The following LAMA2 variants were observed in gnomAD, a reference collection of about 807,000 sequenced individuals.
LAMA2 encodes the protein laminin subunit alpha-2.
LAMA2 carries 269 observed loss-of-function variants against 364.8 expected under a neutral mutation model. The observed-to-expected ratio is 0.74, with a 90% confidence interval of 0.67 to 0.82. The LOEUF (loss-of-function observed/expected upper bound fraction) is 0.82, where lower values mean the gene tolerates loss of function less well. Among genes scored for constraint, LAMA2 ranks in the 40% least tolerant of loss-of-function variants. The pLI, the probability that LAMA2 is intolerant of heterozygous loss-of-function variation, is 0.00. For synonymous variants in LAMA2, 1,379 were observed against 1,370.6 expected, an observed-to-expected ratio of 1.01 and a Z score of -0.14; for missense variants, 3,807 against 3,873.2, an observed-to-expected ratio of 0.98 and a Z score of 0.45.
At chr6:129,498,221 A>T (rs1785344539) in intron 58 of LAMA2, among the ~76,000 whole-genome samples, 1 of 152,242 alleles carries the variant, frequency 6.6e-6, no homozygotes, top group African/African-American at 2.4e-5. Context: ...CAATACAAGT[A>T]GCCATGGAGA....
intron 1 of LAMA2, among the ~76,000 whole-genome samples, chr6:129,033,757 C>T (rs1025961710): frequency 1.3e-5 from 2 of 152,110 alleles, no homozygotes; most frequent in Non-Finnish European, 2.9e-5. Context: ...AGATACTGAA[C>T]ATATGTTCCG....
intron 27 of LAMA2, 65 bp downstream of exon 27, chr6:129,316,236 C>T (rs1774598928): frequency 8.1e-7 from 1 of 1,230,882 alleles, no homozygotes; most frequent in South Asian, 1.2e-5. Flanking sequence ...TATTGACCTA[C>T]AGATATCAGA....
intron 37 of LAMA2, among the ~76,000 whole-genome samples, chr6:129,399,824 G>A (rs1005913668): frequency 2.0e-5 from 3 of 151,844 alleles, no homozygotes; most frequent in Non-Finnish European, 3.0e-5. Flanking sequence ...ATTAGCACTA[G>A]CTCAGTGCAA....
intron 4 of LAMA2, among the ~76,000 whole-genome samples, chr6:129,104,879 C>T (rs943776101): frequency 9.2e-5 from 14 of 152,124 alleles, no homozygotes; most frequent in Admixed American, 9.2e-4. Flanking sequence ...CCTAGGCCTG[C>T]ACCCAAAGGG....
At chr6:129,488,639 A>G (rs1322010315) in intron 56 of LAMA2, among the ~76,000 whole-genome samples, 1 of 152,222 alleles carries the variant, frequency 6.6e-6, no homozygotes, top group Admixed American at 6.5e-5. Flanking sequence ...TTTGCCATTC[A>G]TTGTTAATTA....
chr6:129,024,751 C>T (rs1412350737), intron 1 of LAMA2, among the ~76,000 whole-genome samples: 1 of 151,852 alleles, frequency 6.6e-6, no homozygotes, highest in African/African-American at 2.4e-5. Context: ...AATAGCTACC[C>T]AGTTTTTGAT....
At chr6:129,051,819 T>A (rs1788061921) in intron 2 of LAMA2, among the ~76,000 whole-genome samples, 1 of 151,782 alleles carries the variant, frequency 6.6e-6, no homozygotes, top group African/African-American at 2.4e-5. Flanking sequence ...AAACCACCAT[T>A]GGTTCAGAGA....
intron 58 of LAMA2, among the ~76,000 whole-genome samples, chr6:129,499,813 G>C (rs1025742635): frequency 1.3e-5 from 2 of 152,144 alleles, no homozygotes; most frequent in African/African-American, 4.8e-5. Context: ...GAACTCCTAG[G>C]CTCAAGTGAT....
chr6:129,503,234 C>T lies in LAMA2; in HGVS notation c.8501C>T (p.Thr2834Ile). 3 of 1,614,050 alleles carry T rather than the reference C, an allele frequency of 1.9e-6. No homozygotes were observed. Among genetic ancestry groups the T allele is most frequent in the East Asian group, 2.2e-5 (1 of 44,870 alleles). Residue 2834 changes from threonine to isoleucine, a missense_variant, in exon 60 of 65, where the codon ACC (threonine) becomes ATC (isoleucine). Coordinates refer to ENST00000421865, the MANE Select transcript of LAMA2 (RefSeq NM_000426.4). ...YFSYDLGSGD[T>I]HTMIPTKIND... ...AGCTATGACTTGGGGAGTGGGGACACCCACACCATGATCCCCACCAAAATC... is the reference window on the plus strand; with the variant it reads ...AGCTATGACTTGGGGAGTGGGGACATCCACACCATGATCCCCACCAAAATC...
chr6:129,226,425 A>G (rs1050823311), intron 12 of LAMA2, among the ~76,000 whole-genome samples: 1 of 152,124 alleles, frequency 6.6e-6, no homozygotes, highest in Non-Finnish European at 1.5e-5. Context: ...TCTTCCTAGC[A>G]TCGATGGTCT....
rs755485519 is a variant in LAMA2 at position 129,452,996 on chromosome 6, A to T, written c.6438A>T (p.Val2146=). ...QARKQANSIK[V]SVSSGGDCIR... ...TCTTGTTTTTTTTAAAGATCAAAGT[A>T]TCTGTGTCTTCAGGAGGTGACTGCA... Residue 2146 remains valine, a synonymous_variant, in exon 46 of 65, where the codon GTA becomes GTT. Transcript: ENST00000421865. The T allele has an allele frequency of 6.2e-7, 1 of 1,612,536 alleles. No homozygotes were observed. Among genetic ancestry groups the T allele is most frequent in the African/African-American group, 1.3e-5 (1 of 75,014 alleles).
intron 1 of LAMA2, among the ~76,000 whole-genome samples, chr6:128,928,231 T>C (rs780240738): frequency 2.3e-4 from 35 of 152,248 alleles, no homozygotes; most frequent in Non-Finnish European, 8.8e-5. Flanking sequence ...ACAGATGCTA[T>C]TGGTCCTTAA....
chr6:129,510,910 A>C (rs1455625752), intron 62 of LAMA2, among the ~76,000 whole-genome samples: 2 of 152,152 alleles, frequency 1.3e-5, no homozygotes, highest in Non-Finnish European at 2.9e-5. Context: ...TGAACCCCGA[A>C]TTCCATGTGC....
In LAMA2 at chr6:129,391,538, G is replaced by A. The variant is rs1201814035; in HGVS notation, c.5119G>A (p.Asp1707Asn). 1.2e-6 allele frequency: 2 copies of A among 1,613,986 alleles called. No individual in the cohort carries two copies. Among genetic ancestry groups the A allele is most frequent in the South Asian group, 1.1e-5 (1 of 91,072 alleles). Residue 1707 changes from aspartate to asparagine, a missense_variant, in exon 36 of 65, where the codon GAC becomes AAC. Transcript: ENST00000421865. ...ACTAAATGAAACTCTAGGAACTCGA[G>A]ACGAGGCCTTTGAGAGAAATTTGGA... ...IKLNETLGTRDEAFERNLEGL... is the reference protein window; with the variant it reads ...IKLNETLGTRNEAFERNLEGL...
At chr6:128,981,015 C>T (rs755608207) in intron 1 of LAMA2, among the ~76,000 whole-genome samples, 16 of 152,038 alleles carry the variant, frequency 1.1e-4, no homozygotes, top group South Asian at 2.1e-4. Context: ...ACTAAACAAA[C>T]GGACTCTTTC....
chr6:129,154,580 T>C lies in LAMA2; in HGVS notation c.1103T>C (p.Ile368Thr). 3 of 1,613,930 alleles carry C rather than the reference T, an allele frequency of 1.9e-6. No individual in the cohort carries two copies. Among genetic ancestry groups the C allele is most frequent in the East Asian group, 2.2e-5 (1 of 44,854 alleles). ...NVARRNLSLN[I>T]RGKYIGGGVC... ...GCCAGAAGAAATCTGAGTTTGAATA[T>C]ACGTGGAAAGTACATTGGAGGGGGT... Residue 368 changes from isoleucine (I) to threonine (T), a missense_variant, in exon 8 of 65, where the codon ATA becomes ACA. By Grantham distance (89) the Ile-to-Thr change is moderately conservative. Transcript: ENST00000421865.
At chr6:129,243,988 T>A (rs1295575929) in intron 12 of LAMA2, among the ~76,000 whole-genome samples, 1 of 151,962 alleles carries the variant, frequency 6.6e-6, no homozygotes, top group Non-Finnish European at 1.5e-5. Flanking sequence ...GAGAAATGAA[T>A]GCAGGCAGGC....
intron 40 of LAMA2, among the ~76,000 whole-genome samples, chr6:129,408,445 G>A (rs1265615525): frequency 2.0e-5 from 3 of 152,138 alleles, no homozygotes; most frequent in Admixed American, 6.5e-5. Flanking sequence ...TGAGTGCCTT[G>A]TTCAGAGGCA....
At chr6:128,951,252 A>C (rs1036301655) in intron 1 of LAMA2, among the ~76,000 whole-genome samples, 14 of 150,116 alleles carry the variant, frequency 9.3e-5, no homozygotes, top group African/African-American at 3.6e-4. Flanking sequence ...TTATTAAAAA[A>C]ATAGGGATTT....
Sources: gnomAD v4.1 joint callset for allele counts (sites outside exome capture counted in the v4.1 genomes callset) on GRCh38, gnomAD v4.1.1 for gene constraint, MANE v1.5 for transcripts, NCBI Gene and HGNC (gene_info 2026-07-23, HGNC 2026-07-21) for gene names.